Variants in GPI observed in about 807,000 individuals in gnomAD.
GPI encodes D-hexose-6-phosphate anomerase.
Under a neutral mutation model 75.8 loss-of-function variants are expected in GPI, and 56 were observed. The ratio of observed to expected loss-of-function variants is 0.74; its 90% CI spans 0.60 to 0.92. The LOEUF is 0.92. Ranked by LOEUF, GPI falls within the 40% of genes least tolerant of loss-of-function variation. The pLI, the probability that GPI is intolerant of heterozygous loss-of-function variation, is 0.00. For synonymous variants in GPI, 288 were observed against 285.4 expected (o/e 1.01, Z -0.09); for missense variants, 638 against 741.0 (o/e 0.86, Z 1.61).
At chr19:34,361,735 C>CT (rs1840861385), upstream of GPI, among the ~76,000 whole-genome samples, 1 of 151,854 alleles carries the variant, frequency 6.6e-6, no homozygotes, top group South Asian at 2.1e-4. Context: ...AATCCCAGCA[C>CT]TTTGGGAAGC....
chr19:34,374,226 C>T (rs530214162), intron 4 of GPI, among the ~76,000 whole-genome samples: 9 of 150,808 alleles, frequency 6.0e-5, no homozygotes, highest in Admixed American at 3.3e-4. Context: ...TCAAGTGATC[C>T]GCCTGCCTTG....
At position 34,389,448 on chromosome 19, in the gene GPI, T is replaced by C. The variant is rs556504674; in HGVS notation, c.805-3800T>C. Among the ~76,000 whole-genome samples, 100 of 152,332 alleles carry C rather than the reference T, an allele frequency of 6.6e-4. 1 individual carries two copies. Among genetic ancestry groups the C allele is most frequent in the African/African-American group, 2.4e-3 (99 of 41,580 alleles). On this transcript the variant is annotated intron_variant, in intron 9 of 17. Transcript: ENST00000356487. ...TTCCTTTATCCTCTGGAAGGTGCTA[T>C]GCTTCCCCCTGCCTCAGTGGGCTTC...
intron 9 of GPI, among the ~76,000 whole-genome samples, chr19:34,383,756 C>T (rs904972399): frequency 2.0e-5 from 3 of 152,064 alleles, no homozygotes; most frequent in African/African-American, 7.2e-5. Flanking sequence ...TGGGTGGGTG[C>T]GGTCTGAGTG....
Position 34,400,157 on chromosome 19 carries a change from C to A in GPI, c.*121C>A. 9.4e-7 allele frequency: 1 copy of A among 1,063,128 alleles called. No individual in the cohort carries two copies. The highest frequency in any genetic ancestry group is 1.4e-6 in the Non-Finnish European group (1 of 695,936). The allele number at this position is 1,063,128 out of a possible 1,614,324, so 65.9% of individuals were successfully genotyped here. On this transcript the variant is annotated 3_prime_UTR_variant, in exon 18 of 18. Transcript: ENST00000356487. ...AGCACCCTCTGGTTGTGGGCTTGGA[C>A]CACGAGCCCTTAGCAGGGAAGGCTG...
intron 8 of GPI, chr19:34,379,990 GTTTTT>G: frequency 2.0e-5 from 2 of 101,260 alleles, no homozygotes; most frequent in Admixed American, 1.0e-4. Context: ...GTGTGGTTTT[GTTTTT>G]TTTTTTTTTT....
rs140676743 is a variant in GPI, at chr19:34,393,991, C to T, written c.987C>T (p.Asn329=). Residue 329 remains asparagine (N), a synonymous_variant, in exon 12 of 18, where the codon AAC becomes AAT. Coordinates refer to ENST00000356487, the MANE Select transcript of GPI (RefSeq NM_000175.5). This position sits in a 1 kb window ranked among gnomAD's most constrained non-coding sequence, Gnocchi z 4.4. ...LLALLGIWYI[N]CFGCETHAML... Reference sequence around the variant, plus strand: ...CCCTGCTGGGTATCTGGTACATCAACTGCTTTGGGTGTGAGACACACGCCA... The same window carrying T: ...CCCTGCTGGGTATCTGGTACATCAATTGCTTTGGGTGTGAGACACACGCCA... 2,259 of 1,613,386 alleles carry T rather than the reference C, an allele frequency of 1.4e-3. 11 individuals carry two copies. The highest frequency in any genetic ancestry group is 7.4e-3 in the Middle Eastern group (45 of 6,060).
intron 9 of GPI, among the ~76,000 whole-genome samples, chr19:34,386,488 T>A (rs530346882): frequency 6.6e-6 from 1 of 152,180 alleles, no homozygotes; most frequent in Non-Finnish European, 1.5e-5. Flanking sequence ...GAAGGAGAGC[T>A]GAGGAGTTAG....
upstream of GPI, chr19:34,365,167 A>T (rs1255107983): frequency 2.4e-6 from 3 of 1,252,628 alleles, no homozygotes; most frequent in East Asian, 6.8e-5. Context: ...CGCCTGCGCC[A>T]TAAAGGCCGC....
chr19:34,400,044 C>T lies in GPI; in HGVS notation c.*8C>T. 2 of 1,609,552 alleles carry T rather than the reference C, an allele frequency of 1.2e-6. No individual in the cohort carries two copies. The highest frequency in any genetic ancestry group is 1.7e-6 in the Non-Finnish European group (2 of 1,179,846). ...GAGGCCAGAGTCCAATAAACTCGTG[C>T]TCATCTGCAGCCTCCTCTGTGACTC... On this transcript the variant is annotated 3_prime_UTR_variant, in exon 18 of 18. Coordinates refer to ENST00000356487, the MANE Select transcript of GPI (RefSeq NM_000175.5).
intron 4 of GPI, among the ~76,000 whole-genome samples, chr19:34,374,539 C>G (rs1193526953): frequency 6.6e-6 from 1 of 152,086 alleles, no homozygotes; most frequent in Non-Finnish European, 1.5e-5. Context: ...TCTAGAACCT[C>G]ATTTTGTCAA....
At chr19:34,367,474 A>G (rs2074384489) in intron 3 of GPI, among the ~76,000 whole-genome samples, 1 of 152,188 alleles carries the variant, frequency 6.6e-6, no homozygotes, top group East Asian at 1.9e-4. Flanking sequence ...AAGCTGAGAG[A>G]GGATGCAATC....
Position 34,400,184 on chromosome 19 carries a change from T to C in GPI, c.*148T>C. On this transcript the variant is annotated 3_prime_UTR_variant, in exon 18 of 18. Coordinates refer to ENST00000356487, the MANE Select transcript of GPI (RefSeq NM_000175.5). Reference sequence around the variant, plus strand: ...ACGAGCCCTTAGCAGGGAAGGCTGGTCTCCCCCAGCCTAACCCCCAGCCCC... The same window carrying C: ...ACGAGCCCTTAGCAGGGAAGGCTGGCCTCCCCCAGCCTAACCCCCAGCCCC... 1 of 815,022 alleles carries C rather than the reference T, an allele frequency of 1.2e-6. No individual in the cohort carries two copies. Among genetic ancestry groups the C allele is most frequent in the Non-Finnish European group, 2.1e-6 (1 of 480,010 alleles). 50.5% of individuals were successfully genotyped at this position (815,022 alleles called of 1,614,324 possible).
chr19:34,399,855 A>G, intron 17 of GPI, 46 bp from the exon 18 acceptor site: 1 of 1,613,662 alleles, frequency 6.2e-7, no homozygotes, highest in East Asian at 2.2e-5. Context: ...TAGCAACGTT[A>G]GAGCCTTCCT....
At chr19:34,387,271 G>A (rs1330366729) in intron 9 of GPI, among the ~76,000 whole-genome samples, 1 of 152,228 alleles carries the variant, frequency 6.6e-6, no homozygotes, top group Non-Finnish European at 1.5e-5. Flanking sequence ...CCATTGCATC[G>A]ATGCTCAGTG....
At position 34,393,002 on chromosome 19, in the gene GPI, G is replaced by A. The variant is rs147933216; in HGVS notation, c.805-246G>A. On this transcript the variant is annotated intron_variant, in intron 9 of 17. Transcript: ENST00000356487. This position sits in a 1 kb window ranked among gnomAD's most constrained non-coding sequence, Gnocchi z 4.4. Reference sequence around the variant, plus strand: ...GCTGGTGTCTGCAGAGACAGGGCCCGACATCTCAGGGAAGACCACGGTAAG... The same window carrying A: ...GCTGGTGTCTGCAGAGACAGGGCCCAACATCTCAGGGAAGACCACGGTAAG... The A allele has an allele frequency of 2.7e-3, 1,523 of 557,310 alleles. 7 individuals are homozygous for A. The highest frequency in any genetic ancestry group is 3.9e-3 in the Non-Finnish European group (1,187 of 305,842). 34.5% of individuals were successfully genotyped at this position (557,310 alleles called of 1,614,324 possible).
At chr19:34,379,879 A>T (rs372395628) in intron 8 of GPI, 1 of 527,380 alleles carries the variant, frequency 1.9e-6, no homozygotes, top group African/African-American at 1.9e-5. Context: ...CATCTCCCCA[A>T]ATGTGACATG....
At chr19:34,369,278 A>T (rs2074414388) in intron 4 of GPI, among the ~76,000 whole-genome samples, 1 of 151,506 alleles carries the variant, frequency 6.6e-6, no homozygotes, top group Admixed American at 6.6e-5. Context: ...CAAACCCCTG[A>T]CCTCAGGTGA....
intron 4 of GPI, among the ~76,000 whole-genome samples, chr19:34,368,967 T>C (rs572063496): frequency 1.3e-5 from 2 of 152,198 alleles, no homozygotes; most frequent in African/African-American, 2.4e-5. Flanking sequence ...TATGGACTCA[T>C]GGTGACAAAC....
In GPI at chr19:34,378,975, G is replaced by A. The variant is rs1487328074; in HGVS notation, c.675G>A (p.Ala225=). The change falls in exon 7 of 18, where the codon GCG becomes GCA. Residue 225 remains alanine (A), a synonymous_variant. Coordinates refer to ENST00000356487, the MANE Select transcript of GPI (RefSeq NM_000175.5). ...AGACCATCACGAATGCAGAGACGGC[G>A]AAGGAGTGGTTTCTCCAGGCGGCCA... is the stretch of plus-strand genomic sequence containing the variant. The part of the protein sequence containing the change: ...TQETITNAET[A]KEWFLQAAKD... 1.7e-5 allele frequency: 28 copies of A among 1,614,076 alleles called. No homozygotes were observed. The highest frequency in any genetic ancestry group is 2.2e-5 in the Non-Finnish European group (26 of 1,180,038).
Sources: gnomAD v4.1 joint callset for allele counts (sites outside exome capture counted in the v4.1 genomes callset) on GRCh38, gnomAD v4.1.1 for gene constraint, Gnocchi (gnomAD v3.1) non-coding constraint, MANE v1.5 for transcripts, NCBI Gene and HGNC (gene_info 2026-07-23, HGNC 2026-07-21) for gene names.